The following PTDSS1 variants were observed in gnomAD, a reference collection of about 807,000 sequenced individuals.
PTDSS1 encodes phosphatidylserine synthase 1, also known as PSS-1.
PTDSS1 carries 45 observed loss-of-function variants against 70.5 expected under a neutral mutation model. That is an observed-to-expected ratio of 0.64 (90% CI 0.50 to 0.82). The LOEUF is 0.82. Ranked by LOEUF, PTDSS1 falls within the 40% of genes least tolerant of loss-of-function variation. PTDSS1 has a pLI of 0.00. For missense variants in PTDSS1, 417 were observed against 586.1 expected, an observed-to-expected ratio of 0.71 and a Z score of 2.98; for synonymous variants, 188 against 203.8, an observed-to-expected ratio of 0.92 and a Z score of 0.66.
intron 8 of PTDSS1, among the ~76,000 whole-genome samples, chr8:96,307,572 C>A (rs1414574554): frequency 6.6e-6 from 1 of 150,608 alleles, no homozygotes; most frequent in East Asian, 2.0e-4. Context: ...TTGTTATGAC[C>A]AAAATGGAAA....
At chr8:96,263,116 C>G (rs766604969) in intron 1 of PTDSS1, among the ~76,000 whole-genome samples, 1 of 152,312 alleles carries the variant, frequency 6.6e-6, no homozygotes, top group Non-Finnish European at 1.5e-5. Context: ...TAACACAACT[C>G]TCTTATTCCC....
chr8:96,310,657 G>A (rs1811198090), intron 9 of PTDSS1, among the ~76,000 whole-genome samples: 1 of 152,002 alleles, frequency 6.6e-6, no homozygotes, highest in South Asian at 2.1e-4. Context: ...CATCAAAAGG[G>A]CCCCTTGGAA....
intron 9 of PTDSS1, among the ~76,000 whole-genome samples, chr8:96,316,106 C>T (rs570748173): frequency 5.3e-5 from 8 of 152,206 alleles, no homozygotes; most frequent in East Asian, 3.9e-4. Context: ...ATGGTGGGGG[C>T]GATGGCTGGT....
At chr8:96,310,434 T>C (rs1182146967) in intron 9 of PTDSS1, among the ~76,000 whole-genome samples, 1 of 151,874 alleles carries the variant, frequency 6.6e-6, no homozygotes, top group Non-Finnish European at 1.5e-5. Flanking sequence ...AGTGCTGGGA[T>C]TACAGGCATG....
chr8:96,276,906 CT>C (rs1810650565), intron 2 of PTDSS1, among the ~76,000 whole-genome samples: 1 of 152,018 alleles, frequency 6.6e-6, no homozygotes, highest in African/African-American at 2.4e-5. Context: ...TTCCTACTGT[CT>C]CCTGTTTCCA....
At chr8:96,264,987 G>A (rs1019895585) in intron 1 of PTDSS1, among the ~76,000 whole-genome samples, 4 of 152,052 alleles carry the variant, frequency 2.6e-5, no homozygotes, top group African/African-American at 2.4e-5. Context: ...AATAGAATTC[G>A]TACTTACTAA....
chr8:96,285,672 C>T (rs1810812541), intron 3 of PTDSS1, among the ~76,000 whole-genome samples: 2 of 152,004 alleles, frequency 1.3e-5, no homozygotes, highest in Admixed American at 1.3e-4. Flanking sequence ...TTTGATAATC[C>T]GATGAGACCT....
chr8:96,287,092 A>G lies in PTDSS1; in HGVS notation c.387A>G (p.Leu129=), dbSNP rs1810833271. ...TGAATTTCGAGCAGGTTAAATCTCT[A>G]ATGTATTGGCTAGATCCAAATCTTC... ...LFLNFEQVKS[L]MYWLDPNLRY... is the part of the protein sequence containing the mutation. The change falls in exon 4 of 13, where the codon CTA becomes CTG. Residue 129 remains leucine, a synonymous_variant. Transcript: ENST00000517309. 3.1e-6 allele frequency: 5 copies of G among 1,613,960 alleles called. 1 individual carries two copies. The African/African-American group carries it at 4.0e-5, about 13-fold the overall frequency.
At position 96,315,074 on chromosome 8, in the gene PTDSS1, A is replaced by G. The variant is rs545620770; in HGVS notation, c.1074-5172A>G. ...AAGTTAGAAAGTTGACAGGAGCACAATAGGAATTGTATCTATTGTTTATGC... is the reference window on the plus strand; with the variant it reads ...AAGTTAGAAAGTTGACAGGAGCACAGTAGGAATTGTATCTATTGTTTATGC... On this transcript the variant is annotated intron_variant, in intron 9 of 12. Coordinates refer to ENST00000517309, the MANE Select transcript of PTDSS1 (RefSeq NM_014754.3). Among the ~76,000 whole-genome samples, 12 of 152,286 alleles carry G rather than the reference A, an allele frequency of 7.9e-5. No homozygotes were observed. The South Asian group carries it at 2.3e-3, about 29-fold the overall frequency.
chr8:96,279,589 T>C (rs7825021), intron 2 of PTDSS1, among the ~76,000 whole-genome samples: 77,928 of 151,152 alleles, frequency 0.52, 22,256 homozygotes, highest in African/African-American at 0.77. Context: ...GAGGCCAAGG[T>C]GGGTGGATCA....
At chr8:96,298,749 C>T (rs1455391510) in intron 5 of PTDSS1, among the ~76,000 whole-genome samples, 1 of 152,124 alleles carries the variant, frequency 6.6e-6, no homozygotes, top group Admixed American at 6.6e-5. Flanking sequence ...CCTCAGTCTA[C>T]CATATTTTAT....
In PTDSS1 at chr8:96,273,314, A is replaced by G. The variant is rs769341235; in HGVS notation, c.195A>G (p.Pro65=). ...YFAFTRDDSV[P]EDNIWRGILS... is the part of the protein sequence containing the mutation. ...CTATTTTCAGGGATGACTCTGTTCC[A>G]GAAGACAACATCTGGAGAGGCATCC... The change falls in exon 2 of 13, where the codon CCA becomes CCG. Residue 65 remains proline (P), a synonymous_variant. Coordinates refer to ENST00000517309, the MANE Select transcript of PTDSS1 (RefSeq NM_014754.3). 6.2e-7 allele frequency: 1 copy of G among 1,609,106 alleles called. No homozygotes were observed. The highest frequency in any genetic ancestry group is 8.5e-7 in the Non-Finnish European group (1 of 1,178,270).
intron 4 of PTDSS1, among the ~76,000 whole-genome samples, chr8:96,293,325 A>G (rs910159289): frequency 2.0e-5 from 3 of 152,230 alleles, no homozygotes; most frequent in African/African-American, 7.2e-5. Flanking sequence ...AGGACTTGGT[A>G]TTTGGTTAGG....
At chr8:96,289,011 T>G (rs192449762) in intron 4 of PTDSS1, among the ~76,000 whole-genome samples, 53 of 152,070 alleles carry the variant, frequency 3.5e-4, no homozygotes, top group Admixed American at 3.4e-3. Flanking sequence ...CTCGGCTCAC[T>G]GTAACCTCCA....
Position 96,284,168 on chromosome 8 carries a change from G to A in PTDSS1, c.316+15G>A, listed in dbSNP as rs199532040. The A allele has an allele frequency of 3.1e-4, 491 of 1,591,654 alleles. No homozygotes were observed. Among genetic ancestry groups the A allele is most frequent in the Middle Eastern group, 1.3e-3 (8 of 6,016 alleles). ...AATGGTTTTTGGTGAGTTTATATTAGCAATGTAAAAGGATGTTCTATTTTT... is the reference window on the plus strand; with the variant it reads ...AATGGTTTTTGGTGAGTTTATATTAACAATGTAAAAGGATGTTCTATTTTT... On this transcript the variant is annotated intron_variant, in intron 3 of 12. Transcript: ENST00000517309.
At chr8:96,285,570 G>A (rs751396577) in intron 3 of PTDSS1, among the ~76,000 whole-genome samples, 1 of 152,154 alleles carries the variant, frequency 6.6e-6, no homozygotes, top group African/African-American at 2.4e-5. Context: ...CAGCTATTTG[G>A]ACACATCTGA....
At chr8:96,302,353 A>G (rs1443771815) in intron 6 of PTDSS1, among the ~76,000 whole-genome samples, 2 of 152,132 alleles carry the variant, frequency 1.3e-5, no homozygotes, top group African/African-American at 4.8e-5. Flanking sequence ...TATTTAAGGC[A>G]GCATTTAACC....
At chr8:96,306,025 G>A (rs1236873999) in intron 7 of PTDSS1, among the ~76,000 whole-genome samples, 1 of 152,182 alleles carries the variant, frequency 6.6e-6, no homozygotes, top group Non-Finnish European at 1.5e-5. Context: ...TCTACATTTG[G>A]AATTCTGTTA....
At position 96,333,628 on chromosome 8, in the gene PTDSS1, T is replaced by C. The variant is rs1811551211; in HGVS notation, c.*62T>C. The C allele has an allele frequency of 6.7e-7, 1 of 1,496,304 alleles. No homozygotes were observed. The highest frequency in any genetic ancestry group is 1.7e-5 in the Admixed American group (1 of 59,624). The allele number at this position is 1,496,304 out of a possible 1,614,324, so 92.7% of individuals were successfully genotyped here. A position where few individuals can be genotyped will look rare whatever the true frequency, so the allele number is the denominator to read the frequency against. Reference sequence around the variant, plus strand: ...AGAACTGAGAGGGAAATGGAACTCATTTGGAACTCCCCGTGAGGAGGTCGA... The same window carrying C: ...AGAACTGAGAGGGAAATGGAACTCACTTGGAACTCCCCGTGAGGAGGTCGA... On this transcript the variant is annotated 3_prime_UTR_variant, in exon 13 of 13. Transcript: ENST00000517309.
Sources: allele counts gnomAD v4.1 joint callset (sites outside exome capture counted in the v4.1 genomes callset), GRCh38; gene constraint gnomAD v4.1.1; transcripts MANE v1.5; gene names NCBI Gene and HGNC (gene_info 2026-07-23, HGNC 2026-07-21).